The following SEC23IP variants were observed in gnomAD, a reference collection of about 807,000 sequenced individuals.
The protein encoded by SEC23IP is SEC23-interacting protein.
Under a neutral mutation model 113.4 loss-of-function variants are expected in SEC23IP, and 70 were observed. The observed-to-expected ratio is 0.62, with a 90% confidence interval of 0.51 to 0.75. The LOEUF is 0.75. Ranked by LOEUF, SEC23IP falls within the 30% of genes least tolerant of loss-of-function variation. The pLI is 0.00. For missense variants in SEC23IP, 1,160 were observed against 1,204.9 expected, an observed-to-expected ratio of 0.96 and a Z score of 0.55; for synonymous variants, 398 against 421.0, an observed-to-expected ratio of 0.95 and a Z score of 0.67.
At position 119,897,596 on chromosome 10, in the gene SEC23IP, C is replaced by T. The variant is rs533585727; in HGVS notation, c.164-831C>T. On this transcript the variant is annotated intron_variant, in intron 1 of 18. Transcript: ENST00000369075. ...AGATTCCTGACACACCCCTTCTTGT[C>T]AACAGAGTTATCTTTAGTCTCTTGT... Among the ~76,000 whole-genome samples, 71 of 152,242 alleles carry T rather than the reference C, an allele frequency of 4.7e-4. 3 individuals are homozygous for T. The highest frequency in any genetic ancestry group is 3.4e-3 in the Middle Eastern group (1 of 294).
chr10:119,892,855 T>A lies in SEC23IP; in HGVS notation c.73T>A (p.Ser25Thr). 6.2e-7 allele frequency: 1 copy of A among 1,613,986 alleles called. No homozygotes were observed. ...CTCATCGGGCACTAACTTACTTTTC[T>A]CCTCCTCGGCCACGGAGTTCAGCTT... ...TSSSGTNLLF[S>T]SSATEFSFNV... The change falls in exon 1 of 19, where the codon TCC becomes ACC. Residue 25 changes from serine (S) to threonine (T), a missense_variant. Physicochemically the swap from Ser to Thr is moderately conservative, Grantham distance 58. Coordinates refer to ENST00000369075, the MANE Select transcript of SEC23IP (RefSeq NM_007190.4).
intron 12 of SEC23IP, among the ~76,000 whole-genome samples, chr10:119,924,978 T>C (rs570962918): frequency 7.2e-5 from 11 of 151,978 alleles, no homozygotes; most frequent in Admixed American, 3.9e-4. Flanking sequence ...TGTCTTGCCA[T>C]GTTGCTCAGG....
chr10:119,930,343 A>G lies in SEC23IP; in HGVS notation c.2484A>G (p.Ala828=), dbSNP rs200633732. Reference sequence around the variant, plus strand: ...TCTATTTATAGCTTGATCCAGTGGCATATAGATTAGAACCTATGATTGTTC... The same window carrying G: ...TCTATTTATAGCTTGATCCAGTGGCGTATAGATTAGAACCTATGATTGTTC... The part of the protein sequence containing the change: ...FNIYHPLDPV[A]YRLEPMIVPD... Residue 828 remains alanine (A), a synonymous_variant, in exon 15 of 19, where the codon GCA becomes GCG. Transcript: ENST00000369075. 53 of 1,594,388 alleles carry G rather than the reference A, an allele frequency of 3.3e-5. No homozygotes were observed. The highest frequency in any genetic ancestry group is 5.1e-5 in the Admixed American group (3 of 59,102).
intron 16 of SEC23IP, among the ~76,000 whole-genome samples, 183 bp downstream of exon 16, chr10:119,932,501 T>A (rs1855639158): frequency 1.3e-5 from 2 of 152,202 alleles, no homozygotes; most frequent in African/African-American, 4.8e-5. Context: ...CATGCCATCT[T>A]TTTTTAGTGG....
rs1285326002 is a variant in SEC23IP, at chr10:119,898,970, A to G, written c.696+11A>G. The G allele has an allele frequency of 2.6e-6, 4 of 1,541,110 alleles. No individual in the cohort carries two copies. Among genetic ancestry groups the G allele is most frequent in the South Asian group, 1.2e-5 (1 of 82,474 alleles). On this transcript the variant is annotated intron_variant, in intron 2 of 18. Coordinates refer to ENST00000369075, the MANE Select transcript of SEC23IP (RefSeq NM_007190.4). Reference sequence around the variant, plus strand: ...GGATCTTTGCCACCGGTATGGAGACATGATTTTGTGTCCTACTTATTCACT... The same window carrying G: ...GGATCTTTGCCACCGGTATGGAGACGTGATTTTGTGTCCTACTTATTCACT...
At chr10:119,901,143 G>A (rs1854486724) in intron 2 of SEC23IP, among the ~76,000 whole-genome samples, 1 of 151,076 alleles carries the variant, frequency 6.6e-6, no homozygotes, top group African/African-American at 2.4e-5. Context: ...GAGTAGCTGG[G>A]ACTACAAGTG....
At chr10:119,903,210 C>T (rs1444420453) in intron 3 of SEC23IP, among the ~76,000 whole-genome samples, 1 of 152,128 alleles carries the variant, frequency 6.6e-6, no homozygotes, top group African/African-American at 2.4e-5. Flanking sequence ...TAATTTACTT[C>T]GTAGTTTAAA....
At position 119,917,919 on chromosome 10, in the gene SEC23IP, A is replaced by G; in HGVS notation, c.1628A>G (p.Asn543Ser). 6.2e-7 allele frequency: 1 copy of G among 1,614,086 alleles called. No homozygotes were observed. Among genetic ancestry groups the G allele is most frequent in the African/African-American group, 1.3e-5 (1 of 75,052 alleles). ...ACTTTGCTAGATATTTTATTTTATA[A>G]CAGCCCCACCTACTGTCAGACAATT... ...NETLLDILFY[N>S]SPTYCQTIVE... The change falls in exon 9 of 19, where the codon AAC becomes AGC. Residue 543 changes from asparagine to serine, a missense_variant. By Grantham distance (46) the Asn-to-Ser change is conservative. Coordinates refer to ENST00000369075, the MANE Select transcript of SEC23IP (RefSeq NM_007190.4).
intron 11 of SEC23IP, among the ~76,000 whole-genome samples, chr10:119,920,010 C>T (rs763953490): frequency 2.0e-5 from 3 of 151,956 alleles, no homozygotes; most frequent in African/African-American, 4.8e-5. Context: ...ATGGTGTCTT[C>T]GCATATGAAA....
chr10:119,909,922 C>T (rs1017557771), intron 5 of SEC23IP, among the ~76,000 whole-genome samples: 2 of 152,154 alleles, frequency 1.3e-5, no homozygotes, highest in Non-Finnish European at 2.9e-5. Context: ...TATGAAGTTT[C>T]TGTTTATGGC....
chr10:119,915,619 C>T (rs1401290099), intron 7 of SEC23IP, 129 bp from the exon 8 acceptor site: 7 of 681,140 alleles, frequency 1.0e-5, no homozygotes, highest in Non-Finnish European at 1.5e-5. Flanking sequence ...ATTCTCTTAT[C>T]CTCATTTTTT....
At chr10:119,935,179 G>C (rs1349064286) in intron 18 of SEC23IP, among the ~76,000 whole-genome samples, 1 of 152,104 alleles carries the variant, frequency 6.6e-6, no homozygotes, top group South Asian at 2.1e-4. Flanking sequence ...AGACAAAAGA[G>C]GCTGGGTGTA....
At position 119,926,184 on chromosome 10, in the gene SEC23IP, C is replaced by T. The variant is rs185606010; in HGVS notation, c.2270C>T (p.Ser757Phe). Reference sequence around the variant, plus strand: ...CTTCCAGTTGGTGCTTGCGTGTCTTCTGTGTGTGTGAATTATGAATCTTTT... The same window carrying T: ...CTTCCAGTTGGTGCTTGCGTGTCTTTTGTGTGTGTGAATTATGAATCTTTT... The part of the protein sequence containing the change: ...RKLPVGACVS[S>F]VCVNYESFEV... Residue 757 changes from serine to phenylalanine, a missense_variant, in exon 13 of 19, where the codon TCT (serine) becomes TTT (phenylalanine). Ser to Phe is a radical substitution (Grantham distance 155). Coordinates refer to ENST00000369075, the MANE Select transcript of SEC23IP (RefSeq NM_007190.4). 2.5e-6 allele frequency: 4 copies of T among 1,614,076 alleles called. No homozygotes were observed. Among genetic ancestry groups the T allele is most frequent in the Non-Finnish European group, 3.4e-6 (4 of 1,179,998 alleles).
At chr10:119,927,063 C>T (rs1045571393) in intron 13 of SEC23IP, among the ~76,000 whole-genome samples, 12 of 152,072 alleles carry the variant, frequency 7.9e-5, no homozygotes, top group African/African-American at 2.7e-4. Flanking sequence ...CCACACCTGG[C>T]TAATTTTTTC....
intron 2 of SEC23IP, among the ~76,000 whole-genome samples, chr10:119,902,281 G>A (rs1181721875): frequency 6.6e-6 from 1 of 152,094 alleles, no homozygotes; most frequent in African/African-American, 2.4e-5. Flanking sequence ...GCTTGAACTC[G>A]GGAGACGGAG....
At position 119,928,032 on chromosome 10, in the gene SEC23IP, C is replaced by T. The variant is rs1216558915; in HGVS notation, c.2314-1575C>T. Among the ~76,000 whole-genome samples the T allele has an allele frequency of 2.6e-5, 4 of 152,236 alleles. No individual in the cohort carries two copies. The South Asian group carries it at 6.2e-4, about 24-fold the overall frequency. On this transcript the variant is annotated intron_variant, in intron 13 of 18. Coordinates refer to ENST00000369075, the MANE Select transcript of SEC23IP (RefSeq NM_007190.4). The stretch of plus-strand genomic sequence containing the variant: ...ATATGTAGTAGTTTCACTTTGACAA[C>T]GCTATTGTAAAGAATTAATTTTTTG...
chr10:119,902,356 A>C (rs1193074949), intron 2 of SEC23IP, among the ~76,000 whole-genome samples: 1 of 152,212 alleles, frequency 6.6e-6, no homozygotes, highest in Non-Finnish European at 1.5e-5. Context: ...CACACACACA[A>C]AAAAGGTTAA....
Position 119,898,875 on chromosome 10 carries a change from C to G in SEC23IP, c.612C>G (p.Cys204Trp), listed in dbSNP as rs1325266185. The G allele has an allele frequency of 6.2e-7, 1 of 1,608,874 alleles. No homozygotes were observed. ...TTGCACCACCCCAGCTGCAGCAGTG[C>G]CAAACACCAGGCCCTCCTGCTCATC... ...PYIAPPQLQQ[C>W]QTPGPPAHPP... Residue 204 changes from cysteine to tryptophan, a missense_variant, in exon 2 of 19, where the codon TGC (cysteine) becomes TGG (tryptophan). Cys to Trp is a radical substitution (Grantham distance 215). Coordinates refer to ENST00000369075, the MANE Select transcript of SEC23IP (RefSeq NM_007190.4).
intron 10 of SEC23IP, among the ~76,000 whole-genome samples, chr10:119,918,910 A>G (rs555383943): frequency 5.3e-5 from 8 of 152,252 alleles, no homozygotes; most frequent in African/African-American, 1.7e-4. Flanking sequence ...TTTAAATGTG[A>G]AAGTTTGTGA....
Sources: allele counts gnomAD v4.1 joint callset (sites outside exome capture counted in the v4.1 genomes callset), GRCh38; gene constraint gnomAD v4.1.1; transcripts MANE v1.5; gene names NCBI Gene and HGNC (gene_info 2026-07-23, HGNC 2026-07-21).